FOXP2: variants seen among roughly 807,000 people sequenced by gnomAD.
FOXP2 encodes forkhead box protein P2.
In FOXP2, 12 loss-of-function variants were observed where a neutral mutation model predicts 115.8. The observed-to-expected ratio is 0.10, with a 90% CI of 0.07 to 0.17. The LOEUF (loss-of-function observed/expected upper bound fraction) is 0.17, where lower values mean the gene tolerates loss of function less well. FOXP2 is among the 10% of genes least tolerant of loss of function. The pLI, the probability that FOXP2 is intolerant of heterozygous loss-of-function variation, is 1.00. For synonymous variants in FOXP2, 328 were observed against 297.7 expected, an observed-to-expected ratio of 1.10 and a Z score of -1.05; for missense variants, 629 against 843.5, an observed-to-expected ratio of 0.75 and a Z score of 3.15.
intron 1 of FOXP2, among the ~76,000 whole-genome samples, chr7:114,196,752 T>C (rs1357490992): frequency 1.3e-5 from 2 of 152,220 alleles, no homozygotes; most frequent in East Asian, 1.9e-4. Flanking sequence ...TAACAAGCTC[T>C]ACTTGTGATT....
intron 2 of FOXP2, chr7:114,499,733 C>T (rs2129251126): frequency 6.6e-6 from 1 of 152,082 alleles, no homozygotes; most frequent in South Asian, 2.1e-4. Context: ...TTTAACTTAC[C>T]TTCTTATTTG....
At chr7:114,390,615 A>C (rs901280207) in intron 2 of FOXP2, among the ~76,000 whole-genome samples, 6 of 152,136 alleles carry the variant, frequency 3.9e-5, no homozygotes, top group African/African-American at 1.4e-4. Flanking sequence ...ATGCAGTGGC[A>C]TGATCACTGC....
At position 114,448,191 on chromosome 7, in the gene FOXP2, C is replaced by T. The variant is rs147004319; in HGVS notation, c.168+21512C>T. Reference sequence around the variant, plus strand: ...TGGCATGGTATAAATAGCTGAGAAACGCAGTCTCTAGCAAATGGAATAGTT... The same window carrying T: ...TGGCATGGTATAAATAGCTGAGAAATGCAGTCTCTAGCAAATGGAATAGTT... On this transcript the variant is annotated intron_variant, in intron 2 of 16. Coordinates refer to ENST00000350908, the MANE Select transcript of FOXP2 (RefSeq NM_014491.4). 7.2e-3 allele frequency among the ~76,000 whole-genome samples: 1,089 copies of T among 152,036 alleles called. 14 individuals are homozygous for T. The highest frequency in any genetic ancestry group is 0.025 in the African/African-American group (1,030 of 41,480).
chr7:114,377,842 G>A (rs1275665256), intron 2 of FOXP2, among the ~76,000 whole-genome samples: 3 of 152,182 alleles, frequency 2.0e-5, no homozygotes, highest in Non-Finnish European at 4.4e-5. Context: ...AGGAAAGCTC[G>A]TGTCTGCCTC....
intron 1 of FOXP2, among the ~76,000 whole-genome samples, chr7:114,252,383 G>T (rs895098627): frequency 6.6e-6 from 1 of 152,116 alleles, no homozygotes; most frequent in African/African-American, 2.4e-5. Flanking sequence ...GCTCCTCCTT[G>T]TACCTCTGGT....
intron 2 of FOXP2, among the ~76,000 whole-genome samples, chr7:114,338,599 C>T (rs1311638127): frequency 6.6e-6 from 1 of 150,944 alleles, no homozygotes; most frequent in Non-Finnish European, 1.5e-5. Context: ...ATTTCTTTTA[C>T]TCTGTCATAC....
intron 1 of FOXP2, among the ~76,000 whole-genome samples, chr7:114,228,648 G>T (rs1794799449): frequency 6.6e-6 from 1 of 151,850 alleles, no homozygotes; most frequent in Admixed American, 6.6e-5. Context: ...CAAAAGTATA[G>T]TTTTGCTATA....
chr7:114,299,258 G>A (rs368619349), intron 2 of FOXP2, among the ~76,000 whole-genome samples: 1 of 152,072 alleles, frequency 6.6e-6, no homozygotes, highest in East Asian at 1.9e-4. Context: ...TATCTTGGGT[G>A]AAGATGTATG....
intron 1 of FOXP2, among the ~76,000 whole-genome samples, chr7:114,262,532 G>T (rs1020309532): frequency 1.3e-5 from 2 of 152,148 alleles, no homozygotes; most frequent in African/African-American, 2.4e-5. Flanking sequence ...TAAAATAAGA[G>T]ATTTTTTTTA....
chr7:114,643,123 A>G (rs972204690), intron 7 of FOXP2, among the ~76,000 whole-genome samples: 1 of 151,816 alleles, frequency 6.6e-6, no homozygotes, highest in Non-Finnish European at 1.5e-5. Context: ...TATTCTTTAT[A>G]TTACAGAAAA....
chr7:114,321,443 C>T (rs1438468005), intron 2 of FOXP2, among the ~76,000 whole-genome samples: 1 of 152,056 alleles, frequency 6.6e-6, no homozygotes, highest in African/African-American at 2.4e-5. Flanking sequence ...CGTGGTCTGC[C>T]TGCCTCAGCC....
intron 2 of FOXP2, among the ~76,000 whole-genome samples, chr7:114,395,537 G>C (rs1332803834): frequency 2.6e-5 from 4 of 152,044 alleles, no homozygotes; most frequent in Non-Finnish European, 5.9e-5. Flanking sequence ...TCACTTTTTA[G>C]ATAAAGAGAA....
chr7:114,453,851 T>G (rs1795172087), intron 2 of FOXP2, among the ~76,000 whole-genome samples: 1 of 152,050 alleles, frequency 6.6e-6, no homozygotes, highest in Non-Finnish European at 1.5e-5. Flanking sequence ...TCCTTACACC[T>G]TATACAAAAA....
At chr7:114,376,564 T>A (rs1363912048) in intron 2 of FOXP2, among the ~76,000 whole-genome samples, 1 of 152,170 alleles carries the variant, frequency 6.6e-6, no homozygotes, top group African/African-American at 2.4e-5. Context: ...TGTGTTAGAT[T>A]TTTTTCACAC....
chr7:114,252,936 A>T (rs1259713697), intron 1 of FOXP2, among the ~76,000 whole-genome samples: 1 of 152,162 alleles, frequency 6.6e-6, no homozygotes, highest in Non-Finnish European at 1.5e-5. Context: ...ATTTAGTGCT[A>T]TAAATTTCCC....
chr7:114,206,965 T>C (rs371320768), intron 1 of FOXP2, among the ~76,000 whole-genome samples: 44 of 152,216 alleles, frequency 2.9e-4, no homozygotes, highest in Non-Finnish European at 4.9e-4. Context: ...AGTCTCTCAC[T>C]ACCTCCCCCT....
chr7:114,529,106 G>A (rs1028688666), intron 2 of FOXP2, among the ~76,000 whole-genome samples: 1 of 151,834 alleles, frequency 6.6e-6, no homozygotes, highest in Non-Finnish European at 1.5e-5. Flanking sequence ...AGAACATAGA[G>A]CTAGGAATAT....
chr7:114,588,923 A>G (rs1802294826), intron 3 of FOXP2, among the ~76,000 whole-genome samples: 7 of 152,190 alleles, frequency 4.6e-5, no homozygotes, highest in Admixed American at 3.9e-4. Context: ...TGCTATAAAA[A>G]GAGTAGGAAT....
intron 1 of FOXP2, among the ~76,000 whole-genome samples, chr7:114,177,926 A>G (rs1793360022): frequency 6.6e-6 from 1 of 151,968 alleles, no homozygotes; most frequent in Admixed American, 6.6e-5. Context: ...AACTGAAATT[A>G]TATGTCTTTT....
Sources: allele counts gnomAD v4.1 joint callset (sites outside exome capture counted in the v4.1 genomes callset), GRCh38; gene constraint gnomAD v4.1.1; transcripts MANE v1.5; gene names NCBI Gene and HGNC (gene_info 2026-07-23, HGNC 2026-07-21).